Variants in ARL17B observed in about 807,000 individuals in gnomAD.
ARL17B encodes the protein ARF like GTPase 17B.
intron 4 of ARL17B, among the ~76,000 whole-genome samples, chr17:46,288,266 C>T (rs1359510706): frequency 2.6e-5 from 4 of 151,314 alleles, no homozygotes; most frequent in Non-Finnish European, 5.9e-5. Context: ...CTCAGCCTCC[C>T]GAGTAGCTGG....
At chr17:46,282,505 C>A (rs2049795956) in intron 4 of ARL17B, among the ~76,000 whole-genome samples, 1 of 151,686 alleles carries the variant, frequency 6.6e-6, no homozygotes, top group Non-Finnish European at 1.5e-5. Flanking sequence ...GCCTCAAACT[C>A]CTGTACTCAA....
intron 4 of ARL17B, among the ~76,000 whole-genome samples, chr17:46,287,331 C>T (rs2049946991): frequency 6.6e-6 from 1 of 152,280 alleles, no homozygotes; most frequent in African/African-American, 2.4e-5. Context: ...CAAAGACTTA[C>T]ACCTGTCAAA....
At position 46,316,569 on chromosome 17, in the gene ARL17B, G is replaced by C. The variant is rs887045654; in HGVS notation, c.260-16904C>G. On this transcript the variant is annotated intron_variant, in intron 3 of 4. Coordinates refer to the ARL17B transcript ENST00000434041. ...TGTCACCTCAGCCTCCTGGGTAGCT[G>C]AGACTACAGGCATGCACCACCATGC... Among the ~76,000 whole-genome samples the C allele has an allele frequency of 3.0e-5, 2 of 67,576 alleles. 1 individual carries two copies. Among genetic ancestry groups the C allele is most frequent in the Non-Finnish European group, 8.5e-5 (2 of 23,434 alleles). The allele number at this position is 67,576 out of a possible 152,430, so 44.3% of individuals were successfully genotyped here.
intron 4 of ARL17B, among the ~76,000 whole-genome samples, chr17:46,287,817 A>G (rs1258549259): frequency 6.6e-6 from 1 of 152,220 alleles, no homozygotes; most frequent in African/African-American, 2.4e-5. Flanking sequence ...GGCAAGGCGG[A>G]GCTGTGTAAG....
chr17:46,280,411 C>A (rs2696519), intron 4 of ARL17B, among the ~76,000 whole-genome samples: 1 of 152,002 alleles, frequency 6.6e-6, no homozygotes, highest in Admixed American at 6.6e-5. Context: ...CAGTGGCTCA[C>A]GGCTGTAATC....
At position 46,307,749 on chromosome 17, in the gene ARL17B, G is replaced by A. The variant is rs2050615797; in HGVS notation, c.260-8084C>T. 2.5e-5 allele frequency among the ~76,000 whole-genome samples: 2 copies of A among 79,132 alleles called. 1 individual carries two copies. The highest frequency in any genetic ancestry group is 7.8e-5 in the Non-Finnish European group (2 of 25,744). The allele number at this position is 79,132 out of a possible 152,430, so 51.9% of individuals were successfully genotyped here. On this transcript the variant is annotated intron_variant, in intron 3 of 4. Coordinates refer to the ARL17B transcript ENST00000434041. ...TAAAAATCTGGTGGCCGGGAGCGGT[G>A]GCTCATGCCTGTAATTCCAGCACTT... is the stretch of plus-strand genomic sequence containing the variant.
chr17:46,291,057 T>C (rs897237471), intron 4 of ARL17B, among the ~76,000 whole-genome samples: 1 of 152,262 alleles, frequency 6.6e-6, no homozygotes, highest in Admixed American at 6.5e-5. Context: ...CTATAGACTA[T>C]CTAGTCTCAT....
chr17:46,282,583 T>A, intron 4 of ARL17B, among the ~76,000 whole-genome samples: 1 of 107,802 alleles, frequency 9.3e-6, no homozygotes, highest in Non-Finnish European at 2.5e-5. Context: ...CCTGGTTAAT[T>A]TTTTTTTTTT....
chr17:46,276,790 C>CTTTTTTTTTTTTTTTTTTTTTTTT (rs75549659), intron 4 of ARL17B, among the ~76,000 whole-genome samples: 3 of 134,320 alleles, frequency 2.2e-5, no homozygotes, highest in African/African-American at 2.8e-5. Context: ...TTCTTTTTTT[C>CTTTTTTTTTTTTTTTTTTTTTTTT]TTTTTTTTTT....
downstream of ARL17B, chr17:46,274,672 T>A (rs1297652285): frequency 2.6e-5 from 4 of 152,622 alleles, no homozygotes; most frequent in Non-Finnish European, 5.9e-5. Flanking sequence ...ATAAATACAG[T>A]CAAAAGTTTT....
At chr17:46,314,799 A>AT (rs2050981815) in intron 3 of ARL17B, among the ~76,000 whole-genome samples, 1 of 81,916 alleles carries the variant, frequency 1.2e-5, no homozygotes, top group Admixed American at 1.3e-4. Flanking sequence ...CTGGTCTGTA[A>AT]TTTTTTGTGT....
intron 3 of ARL17B, among the ~76,000 whole-genome samples, chr17:46,315,244 T>G (rs1252594419): frequency 1.2e-5 from 1 of 81,298 alleles, no homozygotes; most frequent in African/African-American, 3.2e-5. Flanking sequence ...TTCTGTATTT[T>G]TGCAGTGCAG....
At position 46,325,868 on chromosome 17, in the gene ARL17B, G is replaced by T. The variant is rs1484811976; in HGVS notation, c.260-26203C>A. Among the ~76,000 whole-genome samples, 6 of 72,614 alleles carry T rather than the reference G, an allele frequency of 8.3e-5. 1 individual carries two copies. The highest frequency in any genetic ancestry group is 5.6e-4 in the Admixed American group (4 of 7,170). The allele number at this position is 72,614 out of a possible 152,430, so 47.6% of individuals were successfully genotyped here. A position where few individuals can be genotyped will look rare whatever the true frequency, so the allele number is the denominator to read the frequency against. Reference sequence around the variant, plus strand: ...GTATTAGCAACTACTGATTCCAGATGAAAGTTATACAGGTGTTCATTATAC... The same window carrying T: ...GTATTAGCAACTACTGATTCCAGATTAAAGTTATACAGGTGTTCATTATAC... On this transcript the variant is annotated intron_variant, in intron 3 of 4. Coordinates refer to the ARL17B transcript ENST00000434041.
intron 3 of ARL17B, among the ~76,000 whole-genome samples, chr17:46,344,007 G>A (rs2144233966): frequency 1.8e-5 from 1 of 55,970 alleles, no homozygotes; most frequent in South Asian, 5.7e-4. Context: ...GCCTCCCAAA[G>A]TGCTGAGATT....
At chr17:46,291,864 G>T (rs1181480381) in intron 4 of ARL17B, among the ~76,000 whole-genome samples, 3 of 151,642 alleles carry the variant, frequency 2.0e-5, no homozygotes, top group Non-Finnish European at 4.4e-5. Context: ...GGGAACCTGA[G>T]GCGGAAGGAC....
chr17:46,281,693 G>C (rs1337650289), intron 4 of ARL17B, among the ~76,000 whole-genome samples: 3 of 152,180 alleles, frequency 2.0e-5, no homozygotes, highest in Non-Finnish European at 4.4e-5. Context: ...ACCCAGGCTG[G>C]AGTGCAGTGG....
chr17:46,317,117 A>G, intron 3 of ARL17B, among the ~76,000 whole-genome samples: 1 of 88,140 alleles, frequency 1.1e-5, no homozygotes, highest in Admixed American at 1.2e-4. Context: ...GTTCTCAATG[A>G]GCTGTTGGGT....
intron 4 of ARL17B, among the ~76,000 whole-genome samples, chr17:46,284,847 A>T (rs1231729500): frequency 6.6e-6 from 1 of 152,244 alleles, no homozygotes; most frequent in South Asian, 2.1e-4. Context: ...AGAAAGTTTC[A>T]ATCCAATGCA....
chr17:46,282,785 C>T (rs565226451), intron 4 of ARL17B, among the ~76,000 whole-genome samples: 2 of 152,308 alleles, frequency 1.3e-5, no homozygotes, highest in Middle Eastern at 3.4e-3. Flanking sequence ...TTCCTTGCTA[C>T]AGAAGAGAGA....
Sources: allele counts gnomAD v4.1 joint callset (sites outside exome capture counted in the v4.1 genomes callset), GRCh38; gene constraint gnomAD v4.1.1; transcripts MANE v1.5; gene names NCBI Gene and HGNC (gene_info 2026-07-23, HGNC 2026-07-21).